RUNX1T1: variants seen among roughly 807,000 people sequenced by gnomAD.
RUNX1T1 encodes RUNX1 partner transcriptional co-repressor 1.
Under a neutral mutation model 62.8 loss-of-function variants are expected in RUNX1T1, and 4 were observed. That is an observed-to-expected ratio of 0.06 (90% CI 0.03 to 0.15). The LOEUF (loss-of-function observed/expected upper bound fraction) is 0.15, where lower values mean the gene tolerates loss of function less well. Among genes scored for constraint, RUNX1T1 ranks in the 10% least tolerant of loss-of-function variants. The pLI is 1.00. For synonymous variants in RUNX1T1, 291 were observed against 286.0 expected (o/e 1.02, Z -0.18); for missense variants, 508 against 754.3 (o/e 0.67, Z 3.82).
intron 1 of RUNX1T1, among the ~76,000 whole-genome samples, chr8:92,088,159 C>T (rs1025957657): frequency 6.6e-6 from 1 of 152,194 alleles, no homozygotes; most frequent in Non-Finnish European, 1.5e-5. Context: ...ACAAAAGTTA[C>T]AGAATCCCAG....
chr8:92,048,328 G>A (rs1250612112), intron 1 of RUNX1T1, among the ~76,000 whole-genome samples: 1 of 151,994 alleles, frequency 6.6e-6, no homozygotes, highest in Non-Finnish European at 1.5e-5. Flanking sequence ...ATTAAACCCT[G>A]TGTATGCAAC....
At chr8:92,025,326 G>T (rs929655661) in intron 1 of RUNX1T1, among the ~76,000 whole-genome samples, 1 of 152,038 alleles carries the variant, frequency 6.6e-6, no homozygotes, top group Non-Finnish European at 1.5e-5. Flanking sequence ...AAAGACCTTT[G>T]TGACCCATCT....
At chr8:92,038,138 C>T (rs1370776318) in intron 1 of RUNX1T1, among the ~76,000 whole-genome samples, 18 of 152,096 alleles carry the variant, frequency 1.2e-4, no homozygotes, top group Admixed American at 1.2e-3. Flanking sequence ...TTTCGGCTCA[C>T]TGCACCCTCA....
chr8:91,973,323 G>C (rs1383145698), intron 9 of RUNX1T1, among the ~76,000 whole-genome samples: 1 of 151,746 alleles, frequency 6.6e-6, no homozygotes, highest in Non-Finnish European at 1.5e-5. Context: ...TAAAATAAGG[G>C]AATCTAGGTG....
chr8:92,042,246 C>T (rs1293698051), intron 1 of RUNX1T1, among the ~76,000 whole-genome samples: 1 of 152,200 alleles, frequency 6.6e-6, no homozygotes, highest in Non-Finnish European at 1.5e-5. Flanking sequence ...TTGTTAAGAG[C>T]ATGAGTTTGA....
chr8:92,067,537 A>G (rs1459499603), upstream of RUNX1T1, among the ~76,000 whole-genome samples: 8 of 152,258 alleles, frequency 5.3e-5, no homozygotes, highest in Admixed American at 3.9e-4. Context: ...TCCTAAACTG[A>G]TAAACCAAAT....
chr8:91,974,691 A>G (rs1813543295), intron 9 of RUNX1T1, among the ~76,000 whole-genome samples: 1 of 152,166 alleles, frequency 6.6e-6, no homozygotes, highest in South Asian at 2.1e-4. Context: ...AAATCTGGTA[A>G]AACTACACAG....
intron 3 of RUNX1T1, among the ~76,000 whole-genome samples, chr8:92,013,825 A>AT (rs1284892665): frequency 9.9e-5 from 15 of 152,066 alleles, no homozygotes; most frequent in African/African-American, 1.4e-4. Context: ...ACAAAGATTT[A>AT]TTTTTTTTAA....
intron 1 of RUNX1T1, among the ~76,000 whole-genome samples, chr8:92,058,708 T>C (rs1360297092): frequency 6.6e-6 from 1 of 152,218 alleles, no homozygotes; most frequent in African/African-American, 2.4e-5. Context: ...TATATATATC[T>C]GTTCCCCTGA....
intron 9 of RUNX1T1, among the ~76,000 whole-genome samples, chr8:91,973,804 T>G (rs1340151497): frequency 3.3e-5 from 5 of 152,064 alleles, no homozygotes; most frequent in African/African-American, 1.2e-4. Flanking sequence ...TACTGGAGAT[T>G]TCTAGATGAA....
At chr8:91,965,812 C>A (rs1040509106) in intron 10 of RUNX1T1, among the ~76,000 whole-genome samples, 1 of 152,122 alleles carries the variant, frequency 6.6e-6, no homozygotes, top group Non-Finnish European at 1.5e-5. Context: ...AATTCTCTCG[C>A]CACCCTTCCT....
intron 2 of RUNX1T1, 64 bp from the exon 4 acceptor site, chr8:92,014,884 CCA>C (rs1279809780): frequency 1.4e-6 from 2 of 1,470,288 alleles, no homozygotes; most frequent in African/African-American, 2.8e-5. Context: ...GAGGAAATTG[CCA>C]CCAAGTTTCC....
chr8:92,029,004 G>A (rs1018611665), intron 1 of RUNX1T1, among the ~76,000 whole-genome samples: 2 of 152,208 alleles, frequency 1.3e-5, no homozygotes, highest in African/African-American at 4.8e-5. Flanking sequence ...GGTTCAGAGA[G>A]CTGCTGCAGA....
At chr8:92,097,282 C>T (rs1837824019) in intron 1 of RUNX1T1, among the ~76,000 whole-genome samples, 1 of 152,158 alleles carries the variant, frequency 6.6e-6, no homozygotes. Context: ...AAACACTTGG[C>T]TGGCTACATT....
chr8:92,058,213 G>A (rs1237876518), intron 1 of RUNX1T1, among the ~76,000 whole-genome samples: 1 of 152,110 alleles, frequency 6.6e-6, no homozygotes, highest in East Asian at 1.9e-4. Context: ...TCTGGTATCT[G>A]GCACATTTTG....
chr8:92,012,368 A>G (rs1822113765), intron 3 of RUNX1T1, among the ~76,000 whole-genome samples: 1 of 152,044 alleles, frequency 6.6e-6, no homozygotes, highest in Non-Finnish European at 1.5e-5. Flanking sequence ...TCAAAGTGAG[A>G]TGATGTCACA....
downstream of RUNX1T1, chr8:91,955,438 C>T (rs76861316): frequency 0.11 from 26,132 of 227,246 alleles, 1,981 homozygotes; most frequent in African/African-American, 0.23. Flanking sequence ...CCCTAACTGT[C>T]CAAAGTGTGG....
intron 1 of RUNX1T1, among the ~76,000 whole-genome samples, chr8:92,080,318 ATAGTACTT>A (rs1178759548): frequency 6.6e-6 from 1 of 152,168 alleles, no homozygotes; most frequent in Non-Finnish European, 1.5e-5. Context: ...TCTTTATACT[ATAGTACTT>A]TGGGTCTACA....
chr8:91,960,367 G>A, exon 11 of RUNX1T1: 1 of 1,614,134 alleles, frequency 6.2e-7, no homozygotes, highest in Non-Finnish European at 8.5e-7. Context: ...CTGACTGCAG[G>A]TGTGTCTCCC....
Sources: allele counts gnomAD v4.1 joint callset (sites outside exome capture counted in the v4.1 genomes callset), GRCh38; gene constraint gnomAD v4.1.1; transcripts MANE v1.5; gene names NCBI Gene and HGNC (gene_info 2026-07-23, HGNC 2026-07-21).